Variants in CRYGD observed in about 807,000 individuals in gnomAD.
CRYGD encodes gamma-crystallin D.
Under a neutral mutation model 11.3 loss-of-function variants are expected in CRYGD, and 13 were observed. That is an observed-to-expected ratio of 1.15 (90% CI 0.75 to 1.83). The LOEUF is 1.83. Ranked by LOEUF, CRYGD falls within the 40% of genes most tolerant of loss-of-function variation. CRYGD has a pLI of 0.00. For missense variants in CRYGD, 231 were observed against 229.9 expected (o/e 1.00, Z -0.03); for synonymous variants, 77 against 89.5 (o/e 0.86, Z 0.79).
In CRYGD at chr2:208,124,123, G is replaced by C. The variant is rs781619748; in HGVS notation, c.241C>G (p.Leu81Val). Residue 81 changes from leucine to valine, a missense_variant, in exon 2 of 3, where the codon CTC (leucine) becomes GTC (valine). Leu to Val is a conservative substitution (Grantham distance 32, BLOSUM62 1). Coordinates refer to ENST00000264376, the MANE Select transcript of CRYGD (RefSeq NM_006891.4). The stretch of plus-strand genomic sequence containing the variant: ...GAGGATGTACTCACGTGGGGGATGA[G>C]GCGGCAGGAGCGGACCGAGTCGCTG... ...GLSDSVRSCR[L>V]IPHSGSHRIR... 6.8e-6 allele frequency: 11 copies of C among 1,611,746 alleles called. No individual in the cohort carries two copies. In the Admixed American group the frequency reaches 1.3e-4, roughly 20 times the overall value.
chr2:208,123,898 C>G (rs1301712313), intron 2 of CRYGD, among the ~76,000 whole-genome samples: 2 of 152,172 alleles, frequency 1.3e-5, no homozygotes, highest in African/African-American at 2.4e-5. Flanking sequence ...CATTCCTACT[C>G]AATACATATT....
intron 2 of CRYGD, 25 bp downstream of exon 2, chr2:208,124,087 G>C (rs766989109): frequency 1.2e-6 from 2 of 1,611,636 alleles, no homozygotes; most frequent in Non-Finnish European, 1.7e-6. Context: ...TGAGGGCCTG[G>C]GTCCTGACTT....
intron 2 of CRYGD, among the ~76,000 whole-genome samples, chr2:208,122,735 T>C (rs946892295): frequency 1.3e-5 from 2 of 150,386 alleles, no homozygotes; most frequent in Admixed American, 6.6e-5. Flanking sequence ...TGGTGGCGGG[T>C]GCCTGTAATC....
Position 208,121,796 on chromosome 2 carries a change from G to C in CRYGD, c.402C>G (p.Tyr134Ter), listed in dbSNP as rs398122948. The C allele has an allele frequency of 6.2e-7, 1 of 1,614,146 alleles. No individual in the cohort carries two copies. Among genetic ancestry groups the C allele is most frequent in the Non-Finnish European group, 8.5e-7 (1 of 1,180,028 alleles). ...LNVLEGSWVL[Y>*]ELSNYRGRQY... ...GCCGTCCTCGGTAGTTGGACAGCTC[G>C]TAGAGGACCCAGGAGCCCTCCAGCA... is the stretch of plus-strand genomic sequence containing the variant. Residue 134 changes from tyrosine to a stop codon, truncating the protein, a stop_gained, in exon 3 of 3, where the codon TAC becomes TAG. Transcript: ENST00000264376. LOFTEE classifies it low-confidence loss of function (END_TRUNC).
intron 2 of CRYGD, among the ~76,000 whole-genome samples, chr2:208,123,169 TTAAAA>T (rs1021344286): frequency 6.8e-6 from 1 of 146,654 alleles, no homozygotes; most frequent in Admixed American, 6.8e-5. Flanking sequence ...TTAAATATAT[TTAAAA>T]TATAATATAA....
At chr2:208,124,052 G>A in intron 2 of CRYGD, 60 bp downstream of exon 2, 1 of 1,609,198 alleles carries the variant, frequency 6.2e-7, no homozygotes, top group Non-Finnish European at 8.5e-7. Flanking sequence ...TTTAACTTTT[G>A]CTTGAAACCA....
In CRYGD at chr2:208,121,675, A is replaced by G. The variant is rs1694865279; in HGVS notation, c.523T>C (p.Ter175ArgextTer9). Residue 175 changes from the stop codon to arginine, a stop_lost, in exon 3 of 3, where the codon TGA becomes CGA. Coordinates refer to ENST00000264376, the MANE Select transcript of CRYGD (RefSeq NM_006891.4). ...GSLRRVIDFS[*>R] ...GAAACAACAAAAGAGGACATATTTCAGGAGAAATCTATGACTCTCCTCAGA... is the reference window on the plus strand; with the variant it reads ...GAAACAACAAAAGAGGACATATTTCGGGAGAAATCTATGACTCTCCTCAGA... 6 of 1,612,512 alleles carry G rather than the reference A, an allele frequency of 3.7e-6. No homozygotes were observed. The African/African-American group carries it at 6.7e-5, about 18-fold the overall frequency.
Position 208,121,642 on chromosome 2 carries a change from CA to C in CRYGD, c.*30del, listed in dbSNP as rs776176631. On this transcript the variant is annotated 3_prime_UTR_variant, in exon 3 of 3. Transcript: ENST00000264376. The stretch of plus-strand genomic sequence containing the variant: ...ACACAGAAAATATTTTATTAGTTTC[CA>C]AATTAAGAAACAACAAAAGAGGACA... The C allele has an allele frequency of 6.2e-7, 1 of 1,604,992 alleles. No homozygotes were observed.
rs769419095 is a variant in CRYGD, at chr2:208,124,334, C to G, written c.30G>C (p.Arg10=). MGKITLYED[R]GFQGRHYECS... The stretch of plus-strand genomic sequence containing the variant: ...ATTCATAGTGGCGGCCCTGGAAGCC[C>G]CGGTCCTCGTAGAGGGTGATCTGCA... Residue 10 remains arginine (R), a synonymous_variant, in exon 2 of 3, where the codon CGG becomes CGC. Coordinates refer to ENST00000264376, the MANE Select transcript of CRYGD (RefSeq NM_006891.4). 6.2e-7 allele frequency: 1 copy of G among 1,610,868 alleles called. No individual in the cohort carries two copies. Among genetic ancestry groups the G allele is most frequent in the East Asian group, 2.2e-5 (1 of 44,750 alleles).
chr2:208,122,038 A>G, intron 2 of CRYGD, 93 bp from the exon 3 acceptor site: 1 of 1,575,764 alleles, frequency 6.3e-7, no homozygotes, highest in Non-Finnish European at 8.7e-7. Context: ...GACCCGCTCA[A>G]GCCATTTTGA....
intron 2 of CRYGD, 29 bp downstream of exon 2, chr2:208,124,083 C>T: frequency 6.2e-7 from 1 of 1,611,564 alleles, no homozygotes; most frequent in Non-Finnish European, 8.5e-7. Flanking sequence ...GTCCTGAGGG[C>T]CTGGGTCCTG....
At position 208,124,189 on chromosome 2, in the gene CRYGD, G is replaced by C; in HGVS notation, c.175C>G (p.Arg59Gly). The change falls in exon 2 of 3, where the codon CGC becomes GGC. Residue 59 changes from arginine to glycine, a missense_variant. Coordinates refer to ENST00000264376, the MANE Select transcript of CRYGD (RefSeq NM_006891.4). ...TGGTGGTCGGCATAGTCGCCGCGGC[G>C]CAGGAAGTACTGGAGGCCCGAGTAG... ...PNYSGLQYFL[R>G]RGDYADHQQW... The C allele has an allele frequency of 6.2e-7, 1 of 1,611,804 alleles. No individual in the cohort carries two copies. The highest frequency in any genetic ancestry group is 1.7e-5 in the Admixed American group (1 of 60,002).
In CRYGD at chr2:208,121,668, A is replaced by G; in HGVS notation, c.*5T>C. 1.2e-6 allele frequency: 2 copies of G among 1,612,372 alleles called. No individual in the cohort carries two copies. Among genetic ancestry groups the G allele is most frequent in the Non-Finnish European group, 1.7e-6 (2 of 1,178,868 alleles). On this transcript the variant is annotated 3_prime_UTR_variant, in exon 3 of 3. Transcript: ENST00000264376. ...AAATTAAGAAACAACAAAAGAGGACATATTTCAGGAGAAATCTATGACTCT... is the reference window on the plus strand; with the variant it reads ...AAATTAAGAAACAACAAAAGAGGACGTATTTCAGGAGAAATCTATGACTCT...
At position 208,124,519 on chromosome 2, in the gene CRYGD, C is replaced by T. The variant is rs1274791814; in HGVS notation, c.-46G>A. 8 of 1,546,330 alleles carry T rather than the reference C, an allele frequency of 5.2e-6. No homozygotes were observed. The highest frequency in any genetic ancestry group is 6.1e-6 in the Non-Finnish European group (7 of 1,147,646). On this transcript the variant is annotated 5_prime_UTR_variant, in exon 1 of 3. Transcript: ENST00000264376. ...GTGCTGAGCTGGTGGGGCGGCGGCGCTGAGCGGGTGGGGCTGCGGCGCGGC... is the reference window on the plus strand; with the variant it reads ...GTGCTGAGCTGGTGGGGCGGCGGCGTTGAGCGGGTGGGGCTGCGGCGCGGC...
chr2:208,123,095 T>C (rs925527793), intron 2 of CRYGD, among the ~76,000 whole-genome samples: 1 of 147,100 alleles, frequency 6.8e-6, no homozygotes, highest in Non-Finnish European at 1.5e-5. Context: ...CAAAAATATA[T>C]ATATACACAC....
intron 2 of CRYGD, among the ~76,000 whole-genome samples, chr2:208,122,997 T>C (rs1025423528): frequency 1.2e-3 from 179 of 150,400 alleles, no homozygotes; most frequent in African/African-American, 4.1e-3. Context: ...AGGCGGAGGT[T>C]GCAGTGAGCC....
At chr2:208,123,379 A>G (rs1477286441) in intron 2 of CRYGD, among the ~76,000 whole-genome samples, 2 of 147,534 alleles carry the variant, frequency 1.4e-5, no homozygotes, top group Admixed American at 6.8e-5. Context: ...CATTTAAATC[A>G]ATGACATAAA....
rs368318772 is a variant in CRYGD, at chr2:208,124,450, G to T, written c.9+15C>A. ...GGAGGAAGCTCCGGGGTCCCGGGGC[G>T]CAGGCTGGGCTCACCTTCCCCATGG... On this transcript the variant is annotated intron_variant, in intron 1 of 2. Coordinates refer to ENST00000264376, the MANE Select transcript of CRYGD (RefSeq NM_006891.4). 6.3e-7 allele frequency: 1 copy of T among 1,579,522 alleles called. No homozygotes were observed. The highest frequency in any genetic ancestry group is 8.6e-7 in the Non-Finnish European group (1 of 1,163,684).
intron 2 of CRYGD, among the ~76,000 whole-genome samples, 169 bp from the exon 3 acceptor site, chr2:208,122,114 C>G (rs78081166): frequency 2.0e-4 from 30 of 152,126 alleles, no homozygotes; most frequent in Admixed American, 1.9e-3. Context: ...CACAGAGATT[C>G]AGTACCTTTT....
Sources: gnomAD v4.1 joint callset for allele counts (sites outside exome capture counted in the v4.1 genomes callset) on GRCh38, gnomAD v4.1.1 for gene constraint, MANE v1.5 for transcripts, NCBI Gene and HGNC (gene_info 2026-07-23, HGNC 2026-07-21) for gene names.